The following PACRG variants were observed in gnomAD, a reference collection of about 807,000 sequenced individuals.
PACRG encodes parkin coregulated gene protein.
In PACRG, 29 loss-of-function variants were observed where a neutral mutation model predicts 29.7. The ratio of observed to expected loss-of-function variants is 0.98; its 90% CI spans 0.73 to 1.33. PACRG has a LOEUF of 1.33. Ranked by LOEUF, PACRG falls within the 40% of genes most tolerant of loss-of-function variation. PACRG has a pLI of 0.00. For missense variants in PACRG, 279 were observed against 316.2 expected (o/e 0.88, Z 0.89); for synonymous variants, 116 against 118.7 (o/e 0.98, Z 0.15).
At chr6:163,076,834 C>T (rs1046765866) in intron 3 of PACRG, among the ~76,000 whole-genome samples, 3 of 152,086 alleles carry the variant, frequency 2.0e-5, no homozygotes, top group African/African-American at 7.3e-5. Flanking sequence ...ACTCCCTACC[C>T]TCAACTCCAG....
At chr6:163,303,477 T>A (rs1785079183) in intron 4 of PACRG, among the ~76,000 whole-genome samples, 2 of 152,246 alleles carry the variant, frequency 1.3e-5, no homozygotes. Flanking sequence ...TGGCTCATTT[T>A]TAAAAGTTTT....
chr6:162,938,474 A>G (rs1798392906), intron 2 of PACRG, among the ~76,000 whole-genome samples: 2 of 151,990 alleles, frequency 1.3e-5, no homozygotes, highest in Admixed American at 1.3e-4. Flanking sequence ...AGGAACTGCC[A>G]CACTGTTTTC....
At chr6:163,238,918 G>A (rs776650456) in intron 4 of PACRG, among the ~76,000 whole-genome samples, 6 of 152,034 alleles carry the variant, frequency 3.9e-5, no homozygotes, top group East Asian at 1.9e-4. Flanking sequence ...CACTTTTGGC[G>A]TGTAATCACC....
At chr6:162,938,892 C>A (rs890286020) in intron 2 of PACRG, among the ~76,000 whole-genome samples, 2 of 151,970 alleles carry the variant, frequency 1.3e-5, no homozygotes, top group Non-Finnish European at 1.5e-5. Context: ...TTTGTAGATT[C>A]TGTATATTAG....
intron 4 of PACRG, among the ~76,000 whole-genome samples, chr6:163,248,012 C>T (rs960519558): frequency 3.3e-5 from 5 of 152,200 alleles, no homozygotes; most frequent in Admixed American, 6.5e-5. Context: ...ACACCACAGA[C>T]TTCCAGGTAA....
chr6:162,955,373 C>A (rs1799940689), intron 2 of PACRG, among the ~76,000 whole-genome samples: 1 of 152,148 alleles, frequency 6.6e-6, no homozygotes, highest in African/African-American at 2.4e-5. Flanking sequence ...GGTCTTGGCT[C>A]ACTGCAAGCT....
In PACRG at chr6:162,855,898, C is replaced by T. The variant is rs376541965; in HGVS notation, c.291+41617C>T. Among the ~76,000 whole-genome samples, 118 of 152,298 alleles carry T rather than the reference C, an allele frequency of 7.7e-4. No individual in the cohort carries two copies. The East Asian group carries it at 0.011, about 15-fold the overall frequency. ...AGATGTTGTTGCTAGTCAGTTATGG[C>T]CCCTTCTCACGGAGTCCGGGTTCAG... is the stretch of plus-strand genomic sequence containing the variant. On this transcript the variant is annotated intron_variant, in intron 2 of 4. Coordinates refer to ENST00000366888, the MANE Select transcript of PACRG (RefSeq NM_001080379.2).
chr6:163,022,009 G>A (rs934659315), intron 2 of PACRG, among the ~76,000 whole-genome samples: 8 of 152,140 alleles, frequency 5.3e-5, no homozygotes, highest in African/African-American at 1.7e-4. Context: ...ATGCACAGCC[G>A]ACCACGGACC....
At chr6:162,932,119 G>A (rs906668044) in intron 2 of PACRG, among the ~76,000 whole-genome samples, 6 of 151,940 alleles carry the variant, frequency 3.9e-5, no homozygotes, top group African/African-American at 1.4e-4. Context: ...CAGCATGGAT[G>A]CATCTAAAAA....
intron 1 of PACRG, among the ~76,000 whole-genome samples, chr6:162,807,799 G>T (rs532127650): frequency 6.6e-6 from 1 of 152,256 alleles, no homozygotes; most frequent in African/African-American, 2.4e-5. Flanking sequence ...ATGCTAGGTT[G>T]CCACAGACCT....
At chr6:163,158,798 G>A (rs1778428367) in intron 4 of PACRG, among the ~76,000 whole-genome samples, 1 of 152,146 alleles carries the variant, frequency 6.6e-6, no homozygotes, top group Non-Finnish European at 1.5e-5. Flanking sequence ...TTTGGTGCTG[G>A]AAGCTCTTGG....
chr6:162,732,825 T>C lies in PACRG; in HGVS notation c.156+4434T>C, dbSNP rs575741993. The stretch of plus-strand genomic sequence containing the variant: ...TGCTCCTATCACTATTCAGAGCTTT[T>C]GGAGCTTCCCAATTCTTATAGAAAA... On this transcript the variant is annotated intron_variant, in intron 1 of 4. Coordinates refer to ENST00000366888, the MANE Select transcript of PACRG (RefSeq NM_001080379.2). 7.9e-5 allele frequency among the ~76,000 whole-genome samples: 12 copies of C among 152,320 alleles called. No individual in the cohort carries two copies. In the South Asian group the frequency reaches 1.2e-3, roughly 16 times the overall value.
chr6:163,221,843 T>C (rs951622877), intron 4 of PACRG, among the ~76,000 whole-genome samples: 1 of 151,506 alleles, frequency 6.6e-6, no homozygotes, highest in African/African-American at 2.4e-5. Context: ...CAGGTGTGTA[T>C]TGGAGAGAAG....
At chr6:162,740,789 G>C (rs1157254641) in intron 1 of PACRG, among the ~76,000 whole-genome samples, 1 of 147,722 alleles carries the variant, frequency 6.8e-6, no homozygotes, top group Non-Finnish European at 1.5e-5. Context: ...TAGTAGAAAC[G>C]GGGGTTTCAC....
At chr6:163,009,522 A>G (rs1427700016) in intron 2 of PACRG, among the ~76,000 whole-genome samples, 1 of 152,226 alleles carries the variant, frequency 6.6e-6, no homozygotes, top group Non-Finnish European at 1.5e-5. Flanking sequence ...TTCAGAAATC[A>G]CTTAGATCTT....
At chr6:162,813,585 A>T (rs116791128) in intron 1 of PACRG, among the ~76,000 whole-genome samples, 2 of 152,250 alleles carry the variant, frequency 1.3e-5, no homozygotes, top group East Asian at 3.9e-4. Flanking sequence ...TACCAAATGT[A>T]TGCTGTACAC....
chr6:162,848,067 G>A lies in PACRG; in HGVS notation c.291+33786G>A, dbSNP rs150302390. The stretch of plus-strand genomic sequence containing the variant: ...CAGCGGGAGCTACAGTGTCGGGAAA[G>A]GGAAGCTCTAGAGGGTGCAGCGGCA... On this transcript the variant is annotated intron_variant, in intron 2 of 4. Coordinates refer to ENST00000366888, the MANE Select transcript of PACRG (RefSeq NM_001080379.2). Among the ~76,000 whole-genome samples, 284 of 152,232 alleles carry A rather than the reference G, an allele frequency of 1.9e-3. 1 individual carries two copies. Among genetic ancestry groups the A allele is most frequent in the African/African-American group, 6.4e-3 (266 of 41,538 alleles).
chr6:163,049,837 T>A (rs1281319608), intron 2 of PACRG, among the ~76,000 whole-genome samples: 1 of 152,092 alleles, frequency 6.6e-6, no homozygotes, highest in African/African-American at 2.4e-5. Flanking sequence ...TTTATAGAAA[T>A]GTAATTTGGT....
intron 4 of PACRG, among the ~76,000 whole-genome samples, chr6:163,227,993 C>G (rs529226560): frequency 2.6e-5 from 4 of 152,232 alleles, no homozygotes; most frequent in Non-Finnish European, 4.4e-5. Flanking sequence ...TACAGACAGG[C>G]AGTGTTGGTG....
Sources: allele counts gnomAD v4.1 joint callset (sites outside exome capture counted in the v4.1 genomes callset), GRCh38; gene constraint gnomAD v4.1.1; transcripts MANE v1.5; gene names NCBI Gene and HGNC (gene_info 2026-07-23, HGNC 2026-07-21).